CDH20: variants seen among roughly 807,000 people sequenced by gnomAD.
CDH20 encodes cadherin 20.
In CDH20, 29 loss-of-function variants were observed where a neutral mutation model predicts 74.2. The ratio of observed to expected loss-of-function variants is 0.39; its 90% CI spans 0.29 to 0.53. The LOEUF is 0.53. CDH20 is among the 20% of genes least tolerant of loss of function. The pLI is 0.69. For missense variants in CDH20, 988 were observed against 1,048.3 expected (o/e 0.94, Z 0.79); for synonymous variants, 469 against 405.4 (o/e 1.16, Z -1.88).
At chr18:61,476,218 G>C (rs113085454) in intron 1 of CDH20, among the ~76,000 whole-genome samples, 2 of 152,118 alleles carry the variant, frequency 1.3e-5, no homozygotes, top group South Asian at 2.1e-4. Context: ...ATTCACACCA[G>C]AGCCTTGATT....
chr18:61,536,697 C>A lies in CDH20; in HGVS notation c.1408+68C>A. ...TAGGTGTTATAGAAAGTGGAAGTTT[C>A]TAGAACTTGTTGTAACAAAAATTAT... On this transcript the variant is annotated intron_variant, in intron 8 of 11. Coordinates refer to ENST00000262717, the MANE Select transcript of CDH20 (RefSeq NM_031891.4). The A allele has an allele frequency of 2.8e-6, 4 of 1,437,504 alleles. No homozygotes were observed. The South Asian group carries it at 4.8e-5, about 17-fold the overall frequency. The allele number at this position is 1,437,504 out of a possible 1,614,324, so 89.0% of individuals were successfully genotyped here.
chr18:61,470,123 C>T (rs955349017), intron 1 of CDH20, among the ~76,000 whole-genome samples: 1 of 152,176 alleles, frequency 6.6e-6, no homozygotes, highest in Non-Finnish European at 1.5e-5. Flanking sequence ...GTCTGTGTGT[C>T]AGTTCCAACA....
intron 1 of CDH20, among the ~76,000 whole-genome samples, chr18:61,415,079 G>A (rs6567212): frequency 0.87 from 132,742 of 152,036 alleles, 58,191 homozygotes; most frequent in Non-Finnish European, 0.9. Flanking sequence ...TTGATGTGAT[G>A]TGTTTCCCCA....
chr18:61,444,162 C>T (rs1181532095), intron 1 of CDH20, among the ~76,000 whole-genome samples: 1 of 152,136 alleles, frequency 6.6e-6, no homozygotes, highest in Non-Finnish European at 1.5e-5. Flanking sequence ...TCTGTCACCA[C>T]TGCCTCCCTC....
At chr18:61,506,497 G>A (rs866887099) in intron 5 of CDH20, among the ~76,000 whole-genome samples, 8 of 152,182 alleles carry the variant, frequency 5.3e-5, no homozygotes, top group South Asian at 2.1e-4. Context: ...AAGGGAACAC[G>A]TACATATTGA....
chr18:61,533,318 G>GA (rs1294701800), intron 7 of CDH20, among the ~76,000 whole-genome samples: 5 of 151,358 alleles, frequency 3.3e-5, no homozygotes, highest in East Asian at 3.9e-4. Flanking sequence ...TCTAAAGAAA[G>GA]AAAAAAAAGT....
rs1249064577 is a variant in CDH20 at position 61,353,822 on chromosome 18, C to T, written c.-153+19995C>T. The stretch of plus-strand genomic sequence containing the variant: ...TCCAGCCAGTCATGGTGGCTCATGC[C>T]TGTAATCCCAGCATTTTAGGAGGCC... On this transcript the variant is annotated intron_variant, in intron 1 of 11. Coordinates refer to ENST00000262717, the MANE Select transcript of CDH20 (RefSeq NM_031891.4). This position sits in a 1 kb window ranked among gnomAD's most constrained non-coding sequence, Gnocchi z 4.6. 1.3e-5 allele frequency among the ~76,000 whole-genome samples: 2 copies of T among 152,090 alleles called. No individual in the cohort carries two copies. The highest frequency in any genetic ancestry group is 3.9e-4 in the East Asian group (2 of 5,190).
intron 2 of CDH20, among the ~76,000 whole-genome samples, chr18:61,497,854 T>C (rs1412713775): frequency 6.6e-6 from 1 of 152,150 alleles, no homozygotes; most frequent in Non-Finnish European, 1.5e-5. Flanking sequence ...TCAAATAATC[T>C]CATGAACTTC....
intron 1 of CDH20, among the ~76,000 whole-genome samples, chr18:61,364,918 A>G (rs997126758): frequency 2.0e-5 from 3 of 152,232 alleles, no homozygotes; most frequent in African/African-American, 4.8e-5. Flanking sequence ...TAGCTACACT[A>G]AAGTTGAGGT....
chr18:61,481,877 C>A (rs558687732), intron 1 of CDH20, among the ~76,000 whole-genome samples: 2 of 152,064 alleles, frequency 1.3e-5, no homozygotes, highest in Non-Finnish European at 2.9e-5. Flanking sequence ...TGCTCAAAAA[C>A]CTTCAGTTGC....
intron 1 of CDH20, among the ~76,000 whole-genome samples, chr18:61,421,776 T>C (rs2144274350): frequency 6.6e-6 from 1 of 152,226 alleles, no homozygotes; most frequent in Non-Finnish European, 1.5e-5. Context: ...GTATCAATAA[T>C]AAACCAGATG....
chr18:61,442,604 G>A (rs1909070883), intron 1 of CDH20, among the ~76,000 whole-genome samples: 1 of 152,042 alleles, frequency 6.6e-6, no homozygotes. Context: ...ATGGGAAAAT[G>A]GCATCAAAAA....
At chr18:61,549,950 C>A (rs756802019) in intron 10 of CDH20, 28 bp from the exon 11 acceptor site, 21 of 1,599,976 alleles carry the variant, frequency 1.3e-5, no homozygotes, top group Non-Finnish European at 1.8e-5. Flanking sequence ...CTTCCCTTTT[C>A]CAATCCTGGA....
At chr18:61,532,512 T>A (rs1912678850) in intron 7 of CDH20, among the ~76,000 whole-genome samples, 1 of 144,268 alleles carries the variant, frequency 6.9e-6, no homozygotes, top group African/African-American at 2.6e-5. Flanking sequence ...TGCACAACTG[T>A]ATACATGTGT....
chr18:61,498,901 C>T (rs535140710), intron 2 of CDH20, among the ~76,000 whole-genome samples: 1 of 152,126 alleles, frequency 6.6e-6, no homozygotes, highest in Admixed American at 6.5e-5. Context: ...CTTCACTTTC[C>T]AGAGTTCCTG....
intron 1 of CDH20, among the ~76,000 whole-genome samples, chr18:61,359,388 A>T (rs1027259765): frequency 1.8e-4 from 28 of 152,134 alleles, no homozygotes; most frequent in African/African-American, 3.4e-4. Context: ...AGCAGAAAAA[A>T]AAAATAAAAT....
intron 10 of CDH20, among the ~76,000 whole-genome samples, chr18:61,548,172 G>A (rs117667462): frequency 6.6e-6 from 1 of 152,294 alleles, no homozygotes; most frequent in Non-Finnish European, 1.5e-5. Flanking sequence ...TCCTCAGGTT[G>A]GCATCCTTTC....
At chr18:61,407,107 G>A (rs773921229) in intron 1 of CDH20, among the ~76,000 whole-genome samples, 22 of 152,116 alleles carry the variant, frequency 1.4e-4, no homozygotes, top group Non-Finnish European at 2.6e-4. Flanking sequence ...AATTTCCTTG[G>A]TAGTTGAGGT....
chr18:61,484,331 G>C (rs1287178577), intron 1 of CDH20, among the ~76,000 whole-genome samples: 1 of 152,156 alleles, frequency 6.6e-6, no homozygotes, highest in Non-Finnish European at 1.5e-5. Flanking sequence ...AGTTTCATTA[G>C]CTTGATTAAA....
Sources: gnomAD v4.1 joint callset for allele counts (sites outside exome capture counted in the v4.1 genomes callset) on GRCh38, gnomAD v4.1.1 for gene constraint, Gnocchi (gnomAD v3.1) non-coding constraint, MANE v1.5 for transcripts, NCBI Gene and HGNC (gene_info 2026-07-23, HGNC 2026-07-21) for gene names.